Variants in PRKG1 observed in about 807,000 individuals in gnomAD.
The protein encoded by PRKG1 is protein kinase cGMP-dependent 1.
PRKG1 carries 35 observed loss-of-function variants against 88.1 expected under a neutral mutation model. The ratio of observed to expected loss-of-function variants is 0.40; its 90% confidence interval spans 0.30 to 0.53. The LOEUF is 0.53. PRKG1 is among the 20% of genes least tolerant of loss of function. The pLI, the probability that PRKG1 is intolerant of heterozygous loss-of-function variation, is 0.59. For synonymous variants in PRKG1, 303 were observed against 292.5 expected (o/e 1.04, Z -0.37); for missense variants, 540 against 839.8 (o/e 0.64, Z 4.41).
At chr10:52,207,473 C>T (rs1397162286) in intron 9 of PRKG1, among the ~76,000 whole-genome samples, 1 of 152,210 alleles carries the variant, frequency 6.6e-6, no homozygotes, top group African/African-American at 2.4e-5. Flanking sequence ...TAAGACCACC[C>T]TGCTTTCTTC....
chr10:51,176,914 A>C (rs1282203166), intron 2 of PRKG1, among the ~76,000 whole-genome samples: 2 of 152,214 alleles, frequency 1.3e-5, no homozygotes, highest in African/African-American at 4.8e-5. Context: ...ATGACAATAA[A>C]GTATATATAA....
At chr10:51,263,079 T>C (rs1420772291) in intron 2 of PRKG1, among the ~76,000 whole-genome samples, 1 of 152,212 alleles carries the variant, frequency 6.6e-6, no homozygotes, top group Non-Finnish European at 1.5e-5. Flanking sequence ...CTGTCTTATT[T>C]ACTGTTCCTA....
At chr10:51,198,183 A>G (rs74706391) in intron 2 of PRKG1, among the ~76,000 whole-genome samples, 1 of 152,254 alleles carries the variant, frequency 6.6e-6, no homozygotes, top group Non-Finnish European at 1.5e-5. Context: ...ATTAGATCTT[A>G]TTTATATGGA....
At chr10:52,039,784 C>CACTA (rs1845710415) in intron 5 of PRKG1, among the ~76,000 whole-genome samples, 1 of 152,148 alleles carries the variant, frequency 6.6e-6, no homozygotes, top group Admixed American at 6.5e-5. Flanking sequence ...CTGGAAAATA[C>CACTA]ACTAATTTCA....
chr10:51,248,377 T>C (rs1839346311), intron 2 of PRKG1, among the ~76,000 whole-genome samples: 1 of 151,874 alleles, frequency 6.6e-6, no homozygotes, highest in South Asian at 2.1e-4. Context: ...TGGAAGAGAA[T>C]AGTTTGCATA....
At chr10:51,349,513 T>C (rs1462394548) in intron 2 of PRKG1, among the ~76,000 whole-genome samples, 1 of 150,520 alleles carries the variant, frequency 6.6e-6, no homozygotes, top group Non-Finnish European at 1.5e-5. Flanking sequence ...TGTGTCCTTT[T>C]TTTTTTTTTT....
intron 5 of PRKG1, among the ~76,000 whole-genome samples, chr10:51,941,894 A>C (rs1842917307): frequency 6.6e-6 from 1 of 151,884 alleles, no homozygotes; most frequent in South Asian, 2.1e-4. Context: ...TGCTATTGTG[A>C]ATAGTGCCGC....
intron 2 of PRKG1, among the ~76,000 whole-genome samples, chr10:51,224,677 G>A (rs1185700626): frequency 6.6e-6 from 1 of 152,056 alleles, no homozygotes; most frequent in Admixed American, 6.5e-5. Context: ...TTCTCCTACA[G>A]AGCGTCCTAT....
intron 7 of PRKG1, among the ~76,000 whole-genome samples, chr10:52,076,646 C>T (rs1846636747): frequency 6.6e-6 from 1 of 152,092 alleles, no homozygotes; most frequent in Non-Finnish European, 1.5e-5. Flanking sequence ...GAAAAGGCAA[C>T]CCACAGACTG....
intron 7 of PRKG1, among the ~76,000 whole-genome samples, chr10:52,101,729 C>T (rs537407339): frequency 6.6e-6 from 1 of 152,260 alleles, no homozygotes; most frequent in African/African-American, 2.4e-5. Context: ...GCGACCTAGC[C>T]AGTAGCTTCC....
intron 3 of PRKG1, among the ~76,000 whole-genome samples, chr10:51,603,706 C>T (rs1446406702): frequency 2.0e-5 from 3 of 152,132 alleles, no homozygotes; most frequent in South Asian, 2.1e-4. Flanking sequence ...CTTCATGCAG[C>T]TTATGATTTA....
chr10:51,116,560 C>T (rs1237554870), intron 1 of PRKG1, among the ~76,000 whole-genome samples: 1 of 152,068 alleles, frequency 6.6e-6, no homozygotes, highest in East Asian at 1.9e-4. Flanking sequence ...AAACAGAATA[C>T]AGAAAAGCTG....
intron 5 of PRKG1, among the ~76,000 whole-genome samples, chr10:51,966,582 T>C (rs1234339233): frequency 2.0e-5 from 3 of 152,188 alleles, no homozygotes; most frequent in African/African-American, 7.2e-5. Context: ...TAACTTCTCC[T>C]GGAGGAAGGG....
intron 3 of PRKG1, chr10:51,698,469 C>T: frequency 6.2e-7 from 1 of 1,614,086 alleles, no homozygotes; most frequent in Non-Finnish European, 8.5e-7. Context: ...ATGGGGGGAC[C>T]CTGATGGGGT....
At chr10:51,603,456 T>C (rs1282487639) in intron 3 of PRKG1, among the ~76,000 whole-genome samples, 7 of 152,170 alleles carry the variant, frequency 4.6e-5, no homozygotes, top group Non-Finnish European at 7.4e-5. Context: ...GTGAAGAGGA[T>C]AGGGAAAGCG....
intron 2 of PRKG1, among the ~76,000 whole-genome samples, chr10:51,278,317 T>G (rs564931658): frequency 7.6e-4 from 116 of 152,204 alleles, no homozygotes; most frequent in African/African-American, 2.4e-3. Context: ...CTTGATCATG[T>G]TGGATAAGCT....
intron 3 of PRKG1, among the ~76,000 whole-genome samples, chr10:51,681,294 A>T (rs1840843731): frequency 6.6e-6 from 1 of 152,166 alleles, no homozygotes; most frequent in African/African-American, 2.4e-5. Context: ...CAGAATATTA[A>T]ATTTTATATA....
At chr10:51,916,823 A>G (rs551058516) in intron 5 of PRKG1, among the ~76,000 whole-genome samples, 1 of 152,348 alleles carries the variant, frequency 6.6e-6, no homozygotes, top group South Asian at 2.1e-4. Flanking sequence ...TTCATACAAT[A>G]AAATATTACT....
chr10:51,970,082 C>G (rs912862669), intron 5 of PRKG1, among the ~76,000 whole-genome samples: 4 of 150,576 alleles, frequency 2.7e-5, no homozygotes, highest in Admixed American at 1.3e-4. Flanking sequence ...TTCTTTAATT[C>G]CCTGAACCAT....
Sources: allele counts gnomAD v4.1 joint callset (sites outside exome capture counted in the v4.1 genomes callset), GRCh38; gene constraint gnomAD v4.1.1; transcripts MANE v1.5; gene names NCBI Gene and HGNC (gene_info 2026-07-23, HGNC 2026-07-21).